FNDC3A: variants seen among roughly 807,000 people sequenced by gnomAD.
The protein encoded by FNDC3A is fibronectin type-III domain-containing protein 3A.
FNDC3A carries 32 observed loss-of-function variants against 148.9 expected under a neutral mutation model. The observed-to-expected ratio is 0.21, with a 90% CI of 0.16 to 0.29. FNDC3A has a LOEUF of 0.29. Ranked by LOEUF, FNDC3A falls within the 10% of genes least tolerant of loss-of-function variation. The pLI, the probability that FNDC3A is intolerant of heterozygous loss-of-function variation, is 1.00. For missense variants in FNDC3A, 1,191 were observed against 1,452.8 expected, an observed-to-expected ratio of 0.82 and a Z score of 2.93; for synonymous variants, 472 against 473.6, an observed-to-expected ratio of 1.00 and a Z score of 0.04.
intron 1 of FNDC3A, among the ~76,000 whole-genome samples, chr13:48,987,419 T>G (rs926548673): frequency 6.6e-6 from 1 of 152,200 alleles, no homozygotes; most frequent in Non-Finnish European, 1.5e-5. Context: ...GAAGTCTATT[T>G]TAACAGGATT....
intron 3 of FNDC3A, among the ~76,000 whole-genome samples, chr13:49,097,372 T>C (rs78242232): frequency 6.6e-6 from 1 of 151,848 alleles, no homozygotes; most frequent in Non-Finnish European, 1.5e-5. Context: ...ATTTTTTTTT[T>C]AAACACTTTT....
chr13:49,194,898 T>C (rs1566321923), intron 19 of FNDC3A, among the ~76,000 whole-genome samples: 1 of 152,106 alleles, frequency 6.6e-6, no homozygotes, highest in East Asian at 1.9e-4. Flanking sequence ...AAAGTTGATA[T>C]AATTAAAGTG....
At chr13:49,023,697 T>C (rs1397161515) in intron 2 of FNDC3A, among the ~76,000 whole-genome samples, 1 of 151,910 alleles carries the variant, frequency 6.6e-6, no homozygotes, top group Non-Finnish European at 1.5e-5. Context: ...TTAAGTAATA[T>C]AGTTTGGACT....
At chr13:49,068,369 A>AT (rs1877409848) in intron 2 of FNDC3A, among the ~76,000 whole-genome samples, 2 of 151,922 alleles carry the variant, frequency 1.3e-5, no homozygotes, top group Non-Finnish European at 2.9e-5. Context: ...TCTATAAAAA[A>AT]TAAATTAATT....
At chr13:49,180,340 A>G (rs1885240989) in intron 14 of FNDC3A, among the ~76,000 whole-genome samples, 1 of 152,240 alleles carries the variant, frequency 6.6e-6, no homozygotes, top group Non-Finnish European at 1.5e-5. Flanking sequence ...CTTCTTGAGA[A>G]TCTTAAGTCT....
At chr13:49,003,692 A>T (rs1952169500) in intron 1 of FNDC3A, among the ~76,000 whole-genome samples, 1 of 152,118 alleles carries the variant, frequency 6.6e-6, no homozygotes, top group South Asian at 2.1e-4. Context: ...TTGTATATTC[A>T]GATCTGCAAC....
intron 8 of FNDC3A, among the ~76,000 whole-genome samples, chr13:49,153,456 C>G (rs1253763771): frequency 6.6e-6 from 1 of 151,928 alleles, no homozygotes; most frequent in East Asian, 1.9e-4. Context: ...AATTTTCTCC[C>G]ATTTTGTAGG....
rs1566306394 is a variant in FNDC3A, at chr13:49,174,619, G to C, written c.1355+60G>C. On this transcript the variant is annotated intron_variant, in intron 12 of 25. Transcript: ENST00000492622. ...TTAGATTATCAAGTCAACGTCAATT[G>C]TATAATTATTTACTGTCCAAATTAT... is the stretch of plus-strand genomic sequence containing the variant. The C allele has an allele frequency of 5.6e-6, 8 of 1,428,714 alleles. No individual in the cohort carries two copies. In the Admixed American group the frequency reaches 9.9e-5, roughly 18 times the overall value. 88.5% of individuals were successfully genotyped at this position (1,428,714 alleles called of 1,614,324 possible). A position where few individuals can be genotyped will look rare whatever the true frequency, so the allele number is the denominator to read the frequency against.
chr13:49,091,410 A>G (rs1419579977), intron 3 of FNDC3A, among the ~76,000 whole-genome samples: 1 of 152,080 alleles, frequency 6.6e-6, no homozygotes. Flanking sequence ...TCTCTTAAAG[A>G]TGCTCAGAGG....
intron 1 of FNDC3A, among the ~76,000 whole-genome samples, chr13:48,976,394 G>A (rs1593427309): frequency 6.6e-6 from 1 of 152,316 alleles, no homozygotes; most frequent in South Asian, 2.1e-4. Context: ...GGACAGGACC[G>A]GTCTACTAGT....
intron 9 of FNDC3A, 23 bp downstream of exon 9, chr13:49,167,326 C>G: frequency 6.8e-7 from 1 of 1,479,106 alleles, no homozygotes; most frequent in Non-Finnish European, 9.3e-7. Context: ...TACAGATTGC[C>G]TTTATAAGAT....
At chr13:49,201,547 G>A (rs183751612) in intron 23 of FNDC3A, among the ~76,000 whole-genome samples, 258 of 152,130 alleles carry the variant, frequency 1.7e-3, no homozygotes, top group African/African-American at 6.1e-3. Context: ...AGTTATGGTC[G>A]GACATGAAAT....
intron 7 of FNDC3A, among the ~76,000 whole-genome samples, chr13:49,144,007 A>ACTACTG (rs1409702659): frequency 1.3e-5 from 2 of 149,842 alleles, no homozygotes; most frequent in African/African-American, 4.9e-5. Flanking sequence ...TACTACTACT[A>ACTACTG]CTACTGCTAC....
At chr13:49,053,023 C>G (rs1048512702) in intron 2 of FNDC3A, among the ~76,000 whole-genome samples, 4 of 152,168 alleles carry the variant, frequency 2.6e-5, no homozygotes, top group African/African-American at 9.7e-5. Context: ...TCACAGGCCT[C>G]ACCCTGCTCC....
Position 49,136,511 on chromosome 13 carries a change from G to C in FNDC3A, c.670G>C (p.Gly224Arg), listed in dbSNP as rs1448442944. The change falls in exon 6 of 26, where the codon GGA (glycine) becomes CGA (arginine). Residue 224 changes from glycine (G) to arginine (R), a missense_variant. Gly to Arg is a moderately radical substitution (Grantham distance 125, BLOSUM62 -2). This residue lies in a region of FNDC3A where 426 missense variants were observed against 473.2 expected (regional missense o/e 0.90). Coordinates refer to ENST00000492622, the MANE Select transcript of FNDC3A (RefSeq NM_001079673.2). The part of the protein sequence containing the change: ...PINEHNGLIK[G>R]QIAGGINTGS... ...TAATGAACATAATGGACTTATAAAA[G>C]GACAAATTGCTGGTGGTATAAACAC... 1.2e-6 allele frequency: 2 copies of C among 1,613,852 alleles called. No individual in the cohort carries two copies. The highest frequency in any genetic ancestry group is 1.3e-5 in the African/African-American group (1 of 74,878).
intron 1 of FNDC3A, among the ~76,000 whole-genome samples, chr13:48,991,704 GA>G (rs879353436): frequency 4.9e-4 from 72 of 146,722 alleles, no homozygotes; most frequent in African/African-American, 1.7e-3. Context: ...AAGAAAAAAG[GA>G]AAAAAAAAAG....
intron 5 of FNDC3A, among the ~76,000 whole-genome samples, chr13:49,131,861 A>G (rs1346231161): frequency 1.3e-5 from 2 of 152,342 alleles, no homozygotes; most frequent in East Asian, 1.9e-4. Context: ...CATAAACACA[A>G]AATAATACCT....
Position 49,174,461 on chromosome 13 carries a change from G to A in FNDC3A, c.1257G>A (p.Gln419=), listed in dbSNP as rs1326610574. ...GAAAAGGAAATGGAGAATTTTGTCA[G>A]TGTTACATGGGCTCACAGAAACAAT... The part of the protein sequence containing the change: ...DEGKGNGEFC[Q]CYMGSQKQFK... Residue 419 remains glutamine, a synonymous_variant, in exon 12 of 26, where the codon CAG becomes CAA. Coordinates refer to ENST00000492622, the MANE Select transcript of FNDC3A (RefSeq NM_001079673.2). 2 of 1,611,556 alleles carry A rather than the reference G, an allele frequency of 1.2e-6. No individual in the cohort carries two copies. The highest frequency in any genetic ancestry group is 1.7e-6 in the Non-Finnish European group (2 of 1,178,052).
chr13:49,066,985 A>C (rs1480657918), intron 2 of FNDC3A, among the ~76,000 whole-genome samples: 1 of 152,088 alleles, frequency 6.6e-6, no homozygotes, highest in Non-Finnish European at 1.5e-5. Context: ...ACCTCGGAGA[A>C]GACTTTATGG....
Sources: gnomAD v4.1 joint callset for allele counts (sites outside exome capture counted in the v4.1 genomes callset) on GRCh38, gnomAD v4.1.1 for gene constraint, gnomAD v4.1.1 regional missense constraint, MANE v1.5 for transcripts, NCBI Gene and HGNC (gene_info 2026-07-23, HGNC 2026-07-21) for gene names.